Variants in GPD1 observed in about 807,000 individuals in gnomAD.
The protein encoded by GPD1 is glycerol-3-phosphate dehydrogenase 1, also known as glycerol-3-phosphate dehydrogenase [NAD(+)], cytoplasmic.
A neutral mutation model predicts 34.4 loss-of-function variants in GPD1; 19 were observed. The ratio of observed to expected loss-of-function variants is 0.55; its 90% CI spans 0.39 to 0.81. The LOEUF (loss-of-function observed/expected upper bound fraction) is 0.81, where lower values mean the gene tolerates loss of function less well. Ranked by LOEUF, GPD1 falls within the 30% of genes least tolerant of loss-of-function variation. The pLI is 0.00. For synonymous variants in GPD1, 172 were observed against 174.1 expected, an observed-to-expected ratio of 0.99 and a Z score of 0.09; for missense variants, 429 against 447.0, an observed-to-expected ratio of 0.96 and a Z score of 0.36.
intron 1 of GPD1, 130 bp downstream of exon 1, chr12:50,104,221 GCA>G: frequency 2.2e-6 from 2 of 910,860 alleles, no homozygotes; most frequent in Non-Finnish European, 3.6e-6. Flanking sequence ...TATCATAGCA[GCA>G]CAGGACAGAC....
rs1396442902 is a variant in GPD1, at chr12:50,107,649, T to C, written c.695T>C (p.Leu232Pro). 6.2e-7 allele frequency: 1 copy of C among 1,613,976 alleles called. No homozygotes were observed. The highest frequency in any genetic ancestry group is 8.5e-7 in the Non-Finnish European group (1 of 1,179,972). ...AAGGCGGCAGTGATCCGGCTGGGAC[T>C]CATGGAGATGATAGCCTTCGCCAAG... is the stretch of plus-strand genomic sequence containing the variant. The part of the protein sequence containing the change: ...NTKAAVIRLG[L>P]MEMIAFAKLF... Residue 232 changes from leucine to proline, a missense_variant, in exon 6 of 8, where the codon CTC becomes CCC. Leu to Pro is a moderately conservative substitution (Grantham distance 98, BLOSUM62 -3). Transcript: ENST00000301149.
At chr12:50,104,836 C>T in intron 2 of GPD1, 85 bp downstream of exon 2, 8 of 1,119,778 alleles carry the variant, frequency 7.1e-6, no homozygotes, top group African/African-American at 1.5e-5. Context: ...GTGCCTCCTG[C>T]TGAGAGGGCC....
In GPD1 at chr12:50,104,733, C is replaced by T; in HGVS notation, c.201C>T (p.His67=). Residue 67 remains histidine, a synonymous_variant, in exon 2 of 8, where the codon CAC becomes CAT. Transcript: ENST00000301149. The stretch of plus-strand genomic sequence containing the variant: ...AGAATGTCAAATACCTGCCAGGGCA[C>T]AAGTTGCCCCCAAATGTGGTGAGCC... ...QHENVKYLPG[H]KLPPNVVAVP... 1.2e-6 allele frequency: 2 copies of T among 1,613,922 alleles called. No individual in the cohort carries two copies. The highest frequency in any genetic ancestry group is 8.5e-7 in the Non-Finnish European group (1 of 1,179,814).
chr12:50,105,359 A>T, intron 2 of GPD1, 189 bp from the exon 3 acceptor site: 1 of 611,652 alleles, frequency 1.6e-6, no homozygotes, highest in Non-Finnish European at 2.9e-6. Flanking sequence ...GGAGGGAGAC[A>T]GAGTGGTAGC....
intron 3 of GPD1, 38 bp downstream of exon 3, chr12:50,105,726 G>A (rs779973836): frequency 1.9e-5 from 31 of 1,607,548 alleles, no homozygotes; most frequent in South Asian, 8.8e-5. Context: ...GGGAGGGTGC[G>A]GCTCACTGTT....
At chr12:50,104,791 G>C in intron 2 of GPD1, 40 bp downstream of exon 2, 1 of 1,568,466 alleles carries the variant, frequency 6.4e-7, no homozygotes, top group Non-Finnish European at 8.7e-7. Flanking sequence ...GAGAGGAAGG[G>C]AGGGCCAGGA....
Position 50,105,736 on chromosome 12 carries a change from TGTG to T in GPD1, c.360+50_360+52del, listed in dbSNP as rs375322423. ...GATGGGGGAGGGTGCGGCTCACTGT[TGTG>T]GGGTTCAGGGTGGGTGAAGCAAGGA... is the stretch of plus-strand genomic sequence containing the variant. On this transcript the variant is annotated intron_variant, in intron 3 of 7. Transcript: ENST00000301149. 174 of 1,595,424 alleles carry T rather than the reference TGTG, an allele frequency of 1.1e-4. 1 individual carries two copies. The East Asian group carries it at 2.4e-3, about 22-fold the overall frequency.
intron 3 of GPD1, 144 bp from the exon 4 acceptor site, chr12:50,106,143 AG>A (rs1406782700): frequency 1.4e-5 from 10 of 710,982 alleles, no homozygotes; most frequent in Non-Finnish European, 1.6e-5. Flanking sequence ...GCCTCCTCAC[AG>A]CAAACTTGAG....
chr12:50,107,303 A>T (rs1196094066), intron 5 of GPD1: 1 of 665,648 alleles, frequency 1.5e-6, no homozygotes, highest in South Asian at 1.5e-5. Flanking sequence ...GGGCTGTACA[A>T]TGGAATGGTC....
intron 7 of GPD1, 109 bp downstream of exon 7, chr12:50,108,239 G>T: frequency 1.4e-6 from 1 of 703,168 alleles, no homozygotes; most frequent in Non-Finnish European, 2.6e-6. Flanking sequence ...GACAGAAAGG[G>T]GAGTATTACC....
Position 50,104,547 on chromosome 12 carries a change from A to G in GPD1, c.42-27A>G, listed in dbSNP as rs369437443. ...TCCTGCCACTGTTCCCTCCTCCTGT[A>G]CTTTCCTGTGCTCCCCCTCCCACCA... On this transcript the variant is annotated intron_variant, in intron 1 of 7. Transcript: ENST00000301149. 13 of 1,591,026 alleles carry G rather than the reference A, an allele frequency of 8.2e-6. No individual in the cohort carries two copies. The Admixed American group carries it at 1.0e-4, about 12-fold the overall frequency.
rs1950967952 is a variant in GPD1 at position 50,104,896 on chromosome 12, C to A, written c.219+145C>A. ...AAGGTCTCAGGAGGGCTGCTCTGGG[C>A]CCTTTCCTGAGGACTGAGGAGAACC... is the stretch of plus-strand genomic sequence containing the variant. On this transcript the variant is annotated intron_variant, in intron 2 of 7. Transcript: ENST00000301149. 9 of 655,658 alleles carry A rather than the reference C, an allele frequency of 1.4e-5. No individual in the cohort carries two copies. In the Admixed American group the frequency reaches 1.9e-4, roughly 14 times the overall value. The allele number at this position is 655,658 out of a possible 1,614,324, so 40.6% of individuals were successfully genotyped here. A position where few individuals can be genotyped will look rare whatever the true frequency, so the allele number is the denominator to read the frequency against.
In GPD1 at chr12:50,107,410, G is replaced by A. The variant is rs541557755; in HGVS notation, c.613-157G>A. The A allele has an allele frequency of 3.1e-4, 234 of 745,218 alleles. 1 individual carries two copies. The highest frequency in any genetic ancestry group is 6.0e-4 in the Admixed American group (32 of 52,934). The allele number at this position is 745,218 out of a possible 1,614,324, so 46.2% of individuals were successfully genotyped here. On this transcript the variant is annotated intron_variant, in intron 5 of 7. Coordinates refer to ENST00000301149, the MANE Select transcript of GPD1 (RefSeq NM_005276.4). ...GGCTTAAGAAAGGGGGTGCAGCAAG[G>A]GGGGAAACCAAGAGGCGGAAGTAGG...
rs774464098 is a variant in GPD1, at chr12:50,108,029, T to G, written c.852T>G (p.Ile284Met). ...TCATCCTGTTTTCTGCACAGTCCATTGAGCAGCTGGAGAAAGAGTTGCTGA... is the reference window on the plus strand; with the variant it reads ...TCATCCTGTTTTCTGCACAGTCCATGGAGCAGCTGGAGAAAGAGTTGCTGA... ...AEAFARTGKS[I>M]EQLEKELLNG... is the part of the protein sequence containing the mutation. Residue 284 changes from isoleucine to methionine, a missense_variant, in exon 7 of 8, where the codon ATT (isoleucine) becomes ATG (methionine). Physicochemically the swap from Ile to Met is conservative, Grantham distance 10. Transcript: ENST00000301149. 8 of 1,606,792 alleles carry G rather than the reference T, an allele frequency of 5.0e-6. No individual in the cohort carries two copies. The highest frequency in any genetic ancestry group is 6.8e-6 in the Non-Finnish European group (8 of 1,174,262).
Position 50,109,770 on chromosome 12 carries a change from C to T in GPD1, c.*251C>T. ...TGTCCCTCTCCAGATGTGGGGCTTT[C>T]TCCATATCCTCTGGGAGGGGTGGAA... On this transcript the variant is annotated 3_prime_UTR_variant, in exon 8 of 8. Transcript: ENST00000301149. 2.1e-6 allele frequency: 1 copy of T among 480,006 alleles called. No individual in the cohort carries two copies. Among genetic ancestry groups the T allele is most frequent in the Non-Finnish European group, 3.8e-6 (1 of 261,156 alleles). 29.7% of individuals were successfully genotyped at this position (480,006 alleles called of 1,614,324 possible).
chr12:50,109,134 CAAAAAAAA>C (rs34926030), intron 7 of GPD1, among the ~76,000 whole-genome samples: 3 of 64,354 alleles, frequency 4.7e-5, no homozygotes, highest in African/African-American at 1.3e-4. Context: ...GAGTCTGTCT[CAAAAAAAA>C]AAAAAAAAAA....
intron 3 of GPD1, 40 bp downstream of exon 3, chr12:50,105,728 C>A (rs1950973426): frequency 6.2e-7 from 1 of 1,605,894 alleles, no homozygotes; most frequent in East Asian, 2.2e-5. Context: ...GAGGGTGCGG[C>A]TCACTGTTGT....
chr12:50,105,778 C>T, intron 3 of GPD1, 90 bp downstream of exon 3: 1 of 1,302,936 alleles, frequency 7.7e-7, no homozygotes, highest in Non-Finnish European at 1.1e-6. Flanking sequence ...CAGAAAATGG[C>T]AGACGCAGGC....
rs2137920303 is a variant in GPD1, at chr12:50,104,748, TGTG to T, written c.219+1_219+3del. The T allele has an allele frequency of 6.2e-7, 1 of 1,613,352 alleles. No individual in the cohort carries two copies. The highest frequency in any genetic ancestry group is 1.1e-5 in the South Asian group (1 of 91,016). On this transcript the variant is annotated inframe_deletion and splice_region_variant, in exon 2 of 8. Coordinates refer to ENST00000301149, the MANE Select transcript of GPD1 (RefSeq NM_005276.4). Reference sequence around the variant, plus strand: ...TGCCAGGGCACAAGTTGCCCCCAAATGTGGTGAGCCCCAACACCCTGCGAAGAA... The same window carrying T: ...TGCCAGGGCACAAGTTGCCCCCAAATGTGAGCCCCAACACCCTGCGAAGAA...
Sources: gnomAD v4.1 joint callset for allele counts (sites outside exome capture counted in the v4.1 genomes callset) on GRCh38, gnomAD v4.1.1 for gene constraint, MANE v1.5 for transcripts, NCBI Gene and HGNC (gene_info 2026-07-23, HGNC 2026-07-21) for gene names.